The following NELL1 variants were observed in gnomAD, a reference collection of about 807,000 sequenced individuals.
NELL1 encodes protein kinase C-binding protein NELL1.
In NELL1, 76 loss-of-function variants were observed where a neutral mutation model predicts 107.4. The observed-to-expected ratio is 0.71, with a 90% confidence interval of 0.59 to 0.86. The LOEUF (loss-of-function observed/expected upper bound fraction) is 0.86, where lower values mean the gene tolerates loss of function less well. NELL1 is among the 40% of genes least tolerant of loss of function. The pLI, the probability that NELL1 is intolerant of heterozygous loss-of-function variation, is 0.00. For synonymous variants in NELL1, 353 were observed against 341.2 expected, an observed-to-expected ratio of 1.03 and a Z score of -0.38; for missense variants, 1,024 against 1,005.5, an observed-to-expected ratio of 1.02 and a Z score of -0.25.
At chr11:21,398,017 A>G (rs924776555) in intron 15 of NELL1, among the ~76,000 whole-genome samples, 4 of 151,370 alleles carry the variant, frequency 2.6e-5, no homozygotes, top group African/African-American at 9.7e-5. Context: ...GGCTAAATGA[A>G]CTAAGATCTA....
At chr11:21,372,407 A>G (rs994785142) in intron 15 of NELL1, among the ~76,000 whole-genome samples, 6 of 152,088 alleles carry the variant, frequency 3.9e-5, no homozygotes, top group Admixed American at 2.0e-4. Context: ...GAATACTACT[A>G]CTAATGATAT....
At chr11:21,110,998 A>C (rs543813570) in intron 12 of NELL1, among the ~76,000 whole-genome samples, 3 of 152,224 alleles carry the variant, frequency 2.0e-5, no homozygotes, top group African/African-American at 7.2e-5. Flanking sequence ...TTCCAGTTTC[A>C]TTTCAAATAC....
chr11:21,463,380 T>A (rs1853948151), intron 15 of NELL1, among the ~76,000 whole-genome samples: 2 of 152,120 alleles, frequency 1.3e-5, no homozygotes, highest in African/African-American at 4.8e-5. Flanking sequence ...CACCTCAGGC[T>A]GCCTCATCAA....
rs140608526 is a variant in NELL1, at chr11:20,721,234, T to TTATATATATATA, written c.184+43178_184+43189dup. 2.4e-4 allele frequency among the ~76,000 whole-genome samples: 33 copies of TTATATATATATA among 138,852 alleles called. 1 individual carries two copies. Among genetic ancestry groups the TTATATATATATA allele is most frequent in the Middle Eastern group, 7.8e-3 (2 of 258 alleles). The allele number at this position is 138,852 out of a possible 152,430, so 91.1% of individuals were successfully genotyped here. On this transcript the variant is annotated intron_variant, in intron 2 of 19. Coordinates refer to ENST00000357134, the MANE Select transcript of NELL1 (RefSeq NM_006157.5). ...TATTTTGTTTATATATATATTTTGT[T>TTATATATATATA]TATATATATATATATTTATTTGTTT...
At chr11:20,774,854 T>C (rs1484859799) in intron 2 of NELL1, among the ~76,000 whole-genome samples, 1 of 152,080 alleles carries the variant, frequency 6.6e-6, no homozygotes, top group African/African-American at 2.4e-5. Flanking sequence ...TTTTGTACAC[T>C]ATGTGATGAG....
chr11:21,125,417 T>A (rs971171078), intron 13 of NELL1, among the ~76,000 whole-genome samples: 2 of 152,204 alleles, frequency 1.3e-5, no homozygotes, highest in African/African-American at 4.8e-5. Flanking sequence ...TTCTAAATAA[T>A]CTTTCTTTTG....
At chr11:20,702,273 T>TATGGG (rs891102145) in intron 2 of NELL1, among the ~76,000 whole-genome samples, 14 of 152,318 alleles carry the variant, frequency 9.2e-5, no homozygotes, top group Middle Eastern at 3.4e-3. Context: ...TTGAAGCAAT[T>TATGGG]ATGAATAGGA....
At chr11:21,545,092 T>C (rs1481282768) in intron 16 of NELL1, among the ~76,000 whole-genome samples, 2 of 152,056 alleles carry the variant, frequency 1.3e-5, no homozygotes, top group African/African-American at 4.8e-5. Flanking sequence ...AGTGGTTTAT[T>C]GAGGTATAGC....
chr11:21,103,462 A>G (rs559730411), intron 12 of NELL1, among the ~76,000 whole-genome samples: 1 of 152,302 alleles, frequency 6.6e-6, no homozygotes, highest in South Asian at 2.1e-4. Context: ...CCTTCCTGCT[A>G]GTTAATCTCT....
chr11:21,201,507 C>T (rs569506224), intron 13 of NELL1, among the ~76,000 whole-genome samples: 1 of 152,280 alleles, frequency 6.6e-6, no homozygotes, highest in East Asian at 1.9e-4. Context: ...AGTTGTTTAT[C>T]AGCTTAAGGA....
At chr11:21,272,677 C>T (rs1247480909) in intron 14 of NELL1, among the ~76,000 whole-genome samples, 1 of 152,210 alleles carries the variant, frequency 6.6e-6, no homozygotes, top group Non-Finnish European at 1.5e-5. Context: ...TGACACCTCA[C>T]ACGGCCTGGT....
chr11:20,897,777 T>C (rs1377081409), intron 5 of NELL1, among the ~76,000 whole-genome samples: 4 of 152,148 alleles, frequency 2.6e-5, no homozygotes, highest in East Asian at 3.9e-4. Context: ...AGACACTTCT[T>C]AAAAGAAGAC....
At chr11:20,833,559 C>T (rs1425690385) in intron 3 of NELL1, among the ~76,000 whole-genome samples, 1 of 152,142 alleles carries the variant, frequency 6.6e-6, no homozygotes, top group Non-Finnish European at 1.5e-5. Context: ...GTGAGAAAAA[C>T]AGATATAGTC....
chr11:21,181,667 T>C (rs1192138203), intron 13 of NELL1, among the ~76,000 whole-genome samples: 1 of 151,970 alleles, frequency 6.6e-6, no homozygotes, highest in African/African-American at 2.4e-5. Flanking sequence ...ATATTAGAGA[T>C]GGGAAATGTT....
chr11:21,570,966 T>A (rs1051981037), intron 18 of NELL1, 26 bp downstream of exon 18: 2 of 1,600,470 alleles, frequency 1.2e-6, no homozygotes, highest in Non-Finnish European at 1.7e-6. Flanking sequence ...TTATAAGGTG[T>A]TGAGCCTTTA....
chr11:21,428,402 A>G (rs1420341950), intron 15 of NELL1, among the ~76,000 whole-genome samples: 1 of 152,186 alleles, frequency 6.6e-6, no homozygotes, highest in Non-Finnish European at 1.5e-5. Context: ...CTGAAATCAT[A>G]AATTTATTTG....
intron 3 of NELL1, among the ~76,000 whole-genome samples, chr11:20,845,107 G>A (rs1019951066): frequency 2.0e-5 from 3 of 152,168 alleles, no homozygotes; most frequent in Non-Finnish European, 4.4e-5. Context: ...TCTGACATGT[G>A]TTTTCAAAAA....
At chr11:20,721,170 A>G (rs1855373212) in intron 2 of NELL1, among the ~76,000 whole-genome samples, 3 of 49,100 alleles carry the variant, frequency 6.1e-5, no homozygotes, top group African/African-American at 2.6e-4. Context: ...AGATATAGAT[A>G]TATATTTTGT....
At chr11:21,035,014 A>G (rs951826555) in intron 12 of NELL1, among the ~76,000 whole-genome samples, 1 of 152,120 alleles carries the variant, frequency 6.6e-6, no homozygotes, top group African/African-American at 2.4e-5. Flanking sequence ...AAGAAAAGAG[A>G]GAAGATTCAA....
Sources: gnomAD v4.1 joint callset for allele counts (sites outside exome capture counted in the v4.1 genomes callset) on GRCh38, gnomAD v4.1.1 for gene constraint, MANE v1.5 for transcripts, NCBI Gene and HGNC (gene_info 2026-07-23, HGNC 2026-07-21) for gene names.